Variants in KIF3A observed in about 807,000 individuals in gnomAD.
The protein encoded by KIF3A is kinesin family member 3A, also known as kinesin-like protein KIF3A.
KIF3A carries 27 observed loss-of-function variants against 92.6 expected under a neutral mutation model. The ratio of observed to expected loss-of-function variants is 0.29; its 90% confidence interval spans 0.21 to 0.40. The LOEUF (loss-of-function observed/expected upper bound fraction) is 0.40, where lower values mean the gene tolerates loss of function less well. Ranked by LOEUF, KIF3A falls within the 10% of genes least tolerant of loss-of-function variation. The pLI, the probability that KIF3A is intolerant of heterozygous loss-of-function variation, is 1.00. For missense variants in KIF3A, 581 were observed against 872.6 expected, an observed-to-expected ratio of 0.67 and a Z score of 4.21; for synonymous variants, 250 against 275.4, an observed-to-expected ratio of 0.91 and a Z score of 0.92.
At chr5:132,722,868 G>A (rs1471462659) in intron 4 of KIF3A, among the ~76,000 whole-genome samples, 1 of 152,148 alleles carries the variant, frequency 6.6e-6, no homozygotes, top group African/African-American at 2.4e-5. Context: ...TTACAATTTT[G>A]ATGATTCTAT....
At chr5:132,690,131 G>A (rs528811799), downstream of KIF3A, among the ~76,000 whole-genome samples, 3 of 152,304 alleles carry the variant, frequency 2.0e-5, no homozygotes, top group Admixed American at 2.0e-4. Context: ...CCGGAGAATC[G>A]CTTGAACTCG....
chr5:132,693,638 T>G lies in KIF3A; in HGVS notation c.*2996A>C, dbSNP rs1296736932. 6.5e-6 allele frequency: 1 copy of G among 152,748 alleles called. No homozygotes were observed. The highest frequency in any genetic ancestry group is 2.4e-5 in the African/African-American group (1 of 41,424). 9.5% of individuals were successfully genotyped at this position (152,748 alleles called of 1,614,324 possible). Reference sequence around the variant, plus strand: ...ACTACAGAATTGCTATGACTGGAGCTAAATGAATAGCTCTGAAGTCAGTGT... The same window carrying G: ...ACTACAGAATTGCTATGACTGGAGCGAAATGAATAGCTCTGAAGTCAGTGT... On this transcript the variant is annotated 3_prime_UTR_variant, in exon 19 of 19. Transcript: ENST00000403231.
chr5:132,710,051 A>G (rs1753362646), intron 9 of KIF3A, among the ~76,000 whole-genome samples: 1 of 152,226 alleles, frequency 6.6e-6, no homozygotes, highest in South Asian at 2.1e-4. Context: ...TGAAATAAAT[A>G]TTTATGGTAA....
intron 9 of KIF3A, among the ~76,000 whole-genome samples, chr5:132,710,007 T>G (rs919111617): frequency 1.3e-5 from 2 of 152,208 alleles, no homozygotes; most frequent in African/African-American, 4.8e-5. Flanking sequence ...TGCACCAGCT[T>G]GAAAACAATG....
At chr5:132,735,136 G>A (rs1203359753) in intron 1 of KIF3A, among the ~76,000 whole-genome samples, 3 of 151,918 alleles carry the variant, frequency 2.0e-5, no homozygotes, top group African/African-American at 4.8e-5. Flanking sequence ...GTGCAGTGGC[G>A]TGATCTCAGC....
At position 132,717,211 on chromosome 5, in the gene KIF3A, C is replaced by G. The variant is rs1343888268; in HGVS notation, c.617-227G>C. Among the ~76,000 whole-genome samples the G allele has an allele frequency of 1.3e-5, 2 of 151,858 alleles. No individual in the cohort carries two copies. Among genetic ancestry groups the G allele is most frequent in the East Asian group, 3.9e-4 (2 of 5,178 alleles). On this transcript the variant is annotated intron_variant, in intron 5 of 18. Transcript: ENST00000403231. Reference sequence around the variant, plus strand: ...TCTCATATTAAAGACATAACTTTAGCAAAAAATAATTTCAATCCCTAGTAA... The same window carrying G: ...TCTCATATTAAAGACATAACTTTAGGAAAAAATAATTTCAATCCCTAGTAA...
At chr5:132,709,665 G>A (rs553724871) in intron 9 of KIF3A, among the ~76,000 whole-genome samples, 1 of 152,270 alleles carries the variant, frequency 6.6e-6, no homozygotes, top group East Asian at 1.9e-4. Flanking sequence ...AAAACTAGGT[G>A]TGAACAAAAA....
At position 132,699,267 on chromosome 5, in the gene KIF3A, T is replaced by A; in HGVS notation, c.2036A>T (p.Tyr679Phe). Residue 679 changes from tyrosine to phenylalanine, a missense_variant, in exon 18 of 19, where the codon TAT (tyrosine) becomes TTT (phenylalanine). Physicochemically the swap from Tyr to Phe is conservative, Grantham distance 22. Coordinates refer to ENST00000403231, the MANE Select transcript of KIF3A (RefSeq NM_001300791.2). ...CAGACTCTCCTCAGTATAGGCAAGA[T>A]ACACGTGAGAAAGGTCCACCTCAAA... ...DPFEVDLSHV[Y>F]LAYTEESLRQ... The A allele has an allele frequency of 6.2e-7, 1 of 1,613,874 alleles. No homozygotes were observed. The highest frequency in any genetic ancestry group is 8.5e-7 in the Non-Finnish European group (1 of 1,179,836).
At chr5:132,714,390 C>A (rs1323910236) in intron 8 of KIF3A, among the ~76,000 whole-genome samples, 1 of 152,158 alleles carries the variant, frequency 6.6e-6, no homozygotes, top group Non-Finnish European at 1.5e-5. Context: ...GAAATGTAGA[C>A]TTAAATGTGA....
At chr5:132,705,133 G>C (rs1753166417) in intron 11 of KIF3A, among the ~76,000 whole-genome samples, 1 of 151,854 alleles carries the variant, frequency 6.6e-6, no homozygotes, top group African/African-American at 2.4e-5. Context: ...CATCTGTATT[G>C]AATCTTTTGA....
intron 2 of KIF3A, among the ~76,000 whole-genome samples, chr5:132,727,711 C>T (rs921987292): frequency 6.6e-6 from 1 of 152,122 alleles, no homozygotes; most frequent in Non-Finnish European, 1.5e-5. Flanking sequence ...AGAGGAGTGA[C>T]ATCATGATCA....
At chr5:132,712,887 T>C (rs1329480476) in intron 8 of KIF3A, among the ~76,000 whole-genome samples, 1 of 152,160 alleles carries the variant, frequency 6.6e-6, no homozygotes, top group Non-Finnish European at 1.5e-5. Flanking sequence ...TGGCCGGGCA[T>C]GGTGGCTCAC....
intron 17 of KIF3A, 38 bp downstream of exon 17, chr5:132,700,178 T>G (rs1172518576): frequency 1.1e-5 from 12 of 1,093,830 alleles, no homozygotes; most frequent in Non-Finnish European, 1.5e-5. Context: ...ACAACAGTAG[T>G]TTTGTGTTTT....
intron 2 of KIF3A, among the ~76,000 whole-genome samples, chr5:132,732,182 G>A (rs1239887715): frequency 6.6e-6 from 1 of 152,226 alleles, no homozygotes; most frequent in Non-Finnish European, 1.5e-5. Context: ...TGCTGGCAAA[G>A]ATGTGAAGAA....
chr5:132,728,056 T>C (rs991907175), intron 2 of KIF3A, among the ~76,000 whole-genome samples: 1 of 152,192 alleles, frequency 6.6e-6, no homozygotes, highest in African/African-American at 2.4e-5. Context: ...ATTAGGAATA[T>C]AACACTGCAC....
At chr5:132,737,388 C>T (rs766296641) in intron 1 of KIF3A, 26 bp downstream of exon 1, 1 of 1,607,956 alleles carries the variant, frequency 6.2e-7, no homozygotes, top group Non-Finnish European at 8.5e-7. Flanking sequence ...GAGAAGAAAC[C>T]CCAGAAGCGA....
At chr5:132,723,846 A>G (rs1753910430) in intron 4 of KIF3A, 1 of 152,236 alleles carries the variant, frequency 6.6e-6, no homozygotes, top group African/African-American at 2.4e-5. Flanking sequence ...AGAAACTACC[A>G]TCAGAGTGAA....
Position 132,720,090 on chromosome 5 carries a change from G to C in KIF3A, c.616+519C>G, listed in dbSNP as rs181928936. Among the ~76,000 whole-genome samples the C allele has an allele frequency of 2.4e-3, 369 of 151,568 alleles. 3 individuals carry two copies. Among genetic ancestry groups the C allele is most frequent in the Non-Finnish European group, 3.6e-3 (241 of 67,814 alleles). On this transcript the variant is annotated intron_variant, in intron 5 of 18. Coordinates refer to ENST00000403231, the MANE Select transcript of KIF3A (RefSeq NM_001300791.2). ...CTCCTGGCCTCAAATGATCCTCCCA[G>C]TTCAGCCTCCCGAGTTGCTGGGATT... is the stretch of plus-strand genomic sequence containing the variant.
Position 132,702,107 on chromosome 5 carries a change from A to C in KIF3A, c.1864T>G (p.Phe622Val), listed in dbSNP as rs754048838. The stretch of plus-strand genomic sequence containing the variant: ...TTTACCTGATAATCCCGAGGTATAA[A>C]GTTATCAATAATAAGCATCTGAAGT... ...LRLQMLIIDNFIPRDYQEMIE... is the reference protein window; with the variant it reads ...LRLQMLIIDNVIPRDYQEMIE... The change falls in exon 15 of 19, where the codon TTT becomes GTT. Residue 622 changes from phenylalanine (F) to valine (V), a missense_variant. Phe to Val is a conservative substitution (Grantham distance 50). Transcript: ENST00000403231. The C allele has an allele frequency of 2.5e-6, 4 of 1,613,022 alleles. No individual in the cohort carries two copies. The highest frequency in any genetic ancestry group is 1.1e-5 in the South Asian group (1 of 90,962).
Sources: gnomAD v4.1 joint callset for allele counts (sites outside exome capture counted in the v4.1 genomes callset) on GRCh38, gnomAD v4.1.1 for gene constraint, MANE v1.5 for transcripts, NCBI Gene and HGNC (gene_info 2026-07-23, HGNC 2026-07-21) for gene names.